LEPR: variants seen among roughly 807,000 people sequenced by gnomAD.
The protein encoded by LEPR is OB receptor.
Under a neutral mutation model 114.7 loss-of-function variants are expected in LEPR, and 56 were observed. The ratio of observed to expected loss-of-function variants is 0.49; its 90% CI spans 0.39 to 0.61. The LOEUF is 0.61. Ranked by LOEUF, LEPR falls within the 20% of genes least tolerant of loss-of-function variation. The pLI is 0.00. For synonymous variants in LEPR, 443 were observed against 461.4 expected (o/e 0.96, Z 0.51); for missense variants, 1,202 against 1,352.9 (o/e 0.89, Z 1.75).
At chr1:65,432,828 G>A (rs1451109848) in intron 2 of LEPR, 2 of 633,288 alleles carry the variant, frequency 3.2e-6, no homozygotes, top group African/African-American at 2.0e-5. Context: ...TCATAAAAAA[G>A]TTAAATATTT....
At position 65,494,372 on chromosome 1, in the gene LEPR, C is replaced by T. The variant is rs182179914; in HGVS notation, c.-21+68994C>T. On this transcript the variant is annotated intron_variant, in intron 2 of 19. Coordinates refer to ENST00000349533, the MANE Select transcript of LEPR (RefSeq NM_002303.6). The stretch of plus-strand genomic sequence containing the variant: ...GGGAAAGTCATTATCTCCCCTCCTC[C>T]TATATCTCCAAATGTTCTCTGAGGG... 2.0e-3 allele frequency among the ~76,000 whole-genome samples: 308 copies of T among 152,240 alleles called. 1 individual carries two copies. The highest frequency in any genetic ancestry group is 7.0e-3 in the African/African-American group (291 of 41,564).
At chr1:65,591,911 T>G (rs1655723599) in intron 5 of LEPR, among the ~76,000 whole-genome samples, 2 of 151,234 alleles carry the variant, frequency 1.3e-5, no homozygotes, top group Non-Finnish European at 1.5e-5. Context: ...TTCTTTTTGA[T>G]TTTTTAAATG....
chr1:65,633,983 TC>T lies in LEPR; in HGVS notation c.2674-2206del, dbSNP rs1658621900. 2 of 984,482 alleles carry T rather than the reference TC, an allele frequency of 2.0e-6. No homozygotes were observed. The highest frequency in any genetic ancestry group is 2.4e-6 in the Non-Finnish European group (2 of 829,064). The allele number at this position is 984,482 out of a possible 1,614,324, so 61.0% of individuals were successfully genotyped here. A position where few individuals can be genotyped will look rare whatever the true frequency, so the allele number is the denominator to read the frequency against. ...AATTATGACCTAAATCTAATTTACTTCCACTGAACCATCCAAGACCTCTGGC... is the reference window on the plus strand; with the variant it reads ...AATTATGACCTAAATCTAATTTACTTCACTGAACCATCCAAGACCTCTGGC... On this transcript the variant is annotated intron_variant, in intron 19 of 19. Transcript: ENST00000349533. This position sits in a 1 kb window ranked among gnomAD's most constrained non-coding sequence, Gnocchi z 4.1.
At position 65,641,425 on chromosome 1, in the gene LEPR, A is replaced by G. The variant is rs1170117869; in HGVS notation, c.*4410A>G. The G allele has an allele frequency of 1.3e-5, 2 of 152,208 alleles. No individual in the cohort carries two copies. The highest frequency in any genetic ancestry group is 2.9e-5 in the Non-Finnish European group (2 of 68,026). The allele number at this position is 152,208 out of a possible 1,614,324, so 9.4% of individuals were successfully genotyped here. ...CAAGATATGCATCACTAACTGTTCT[A>G]TGAAATTTGTCTACTTCTCCTTTAT... On this transcript the variant is annotated 3_prime_UTR_variant, in exon 20 of 20. Transcript: ENST00000349533.
intron 2 of LEPR, among the ~76,000 whole-genome samples, chr1:65,529,922 A>G (rs1204532430): frequency 6.6e-6 from 1 of 152,098 alleles, no homozygotes; most frequent in African/African-American, 2.4e-5. Context: ...GGAATACCTT[A>G]AGGTTTAGCT....
At chr1:65,621,737 GC>G (rs1557701880) in intron 18 of LEPR, among the ~76,000 whole-genome samples, 1 of 152,152 alleles carries the variant, frequency 6.6e-6, no homozygotes, top group Non-Finnish European at 1.5e-5. Context: ...GGGGCTTCTG[GC>G]CAATTTTGTT....
rs199726895 is a variant in LEPR, at chr1:65,546,736, C to G, written c.-20-18810C>G. Among the ~76,000 whole-genome samples the G allele has an allele frequency of 3.7e-4, 57 of 152,284 alleles. 1 individual carries two copies. In the South Asian group the frequency reaches 7.0e-3, roughly 19 times the overall value. ...GAGACAATGGGGTTTTCTAGATATACAATCATGTCATCTGCAAACAGGGAC... is the reference window on the plus strand; with the variant it reads ...GAGACAATGGGGTTTTCTAGATATAGAATCATGTCATCTGCAAACAGGGAC... On this transcript the variant is annotated intron_variant, in intron 2 of 19. Coordinates refer to ENST00000349533, the MANE Select transcript of LEPR (RefSeq NM_002303.6).
intron 2 of LEPR, among the ~76,000 whole-genome samples, chr1:65,551,899 C>T (rs185814991): frequency 1.4e-4 from 22 of 152,180 alleles, no homozygotes; most frequent in Admixed American, 2.0e-4. Context: ...GATTCTGGTA[C>T]GTTGTGTCTT....
chr1:65,550,527 C>T (rs572936804), intron 2 of LEPR, among the ~76,000 whole-genome samples: 4 of 152,288 alleles, frequency 2.6e-5, no homozygotes, highest in Admixed American at 1.3e-4. Flanking sequence ...ATGGCGGGTG[C>T]CCCTGCCCCA....
Position 65,420,703 on chromosome 1 carries a change from C to T in LEPR, c.-134C>T. 6.3e-7 allele frequency: 1 copy of T among 1,577,626 alleles called. No individual in the cohort carries two copies. Among genetic ancestry groups the T allele is most frequent in the South Asian group, 1.2e-5 (1 of 86,030 alleles). On this transcript the variant is annotated 5_prime_UTR_variant, in exon 1 of 20. Transcript: ENST00000349533. ...GGCCGTGGCAGGAAGCCGGAAGCAG[C>T]CGCGGCCCCAGTTCGGGAGACATGG...
At chr1:65,435,015 A>C in intron 2 of LEPR, 1 of 985,444 alleles carries the variant, frequency 1.0e-6, no homozygotes, top group South Asian at 4.7e-5. Flanking sequence ...GCGTTTTTAG[A>C]GAATGCCTCA....
chr1:65,578,510 G>T (rs1288723624), intron 5 of LEPR: 1 of 168,618 alleles, frequency 5.9e-6, no homozygotes, highest in African/African-American at 2.4e-5. Context: ...TGCCCAGGGG[G>T]TGAGGAGTGG....
rs1658752588 is a variant in LEPR, at chr1:65,637,349, G to A, written c.*334G>A. 1 of 210,790 alleles carries A rather than the reference G, an allele frequency of 4.7e-6. No homozygotes were observed. The highest frequency in any genetic ancestry group is 2.7e-5 in the African/African-American group (1 of 37,608). 13.1% of individuals were successfully genotyped at this position (210,790 alleles called of 1,614,324 possible). On this transcript the variant is annotated 3_prime_UTR_variant, in exon 20 of 20. Coordinates refer to ENST00000349533, the MANE Select transcript of LEPR (RefSeq NM_002303.6). ...GCGTGTTGTTTTACCTCAAGTTTTT[G>A]TTTTGTACCAACACACACACACACA...
intron 2 of LEPR, among the ~76,000 whole-genome samples, chr1:65,535,539 C>T (rs769955715): frequency 3.3e-5 from 5 of 151,670 alleles, no homozygotes; most frequent in Non-Finnish European, 5.9e-5. Context: ...TTAGTAGGGA[C>T]GAAGTCTTGC....
intron 2 of LEPR, among the ~76,000 whole-genome samples, chr1:65,549,412 T>C (rs1652089609): frequency 6.6e-6 from 1 of 152,204 alleles, no homozygotes; most frequent in Non-Finnish European, 1.5e-5. Flanking sequence ...GTTTTCCAAC[T>C]TGGTTCCATT....
At chr1:65,486,122 A>T (rs1489066784) in intron 2 of LEPR, among the ~76,000 whole-genome samples, 1 of 152,166 alleles carries the variant, frequency 6.6e-6, no homozygotes, top group Non-Finnish European at 1.5e-5. Context: ...ATCTACTAAC[A>T]GATAGTTCAT....
chr1:65,440,019 A>AAAAAAG (rs1218619026), intron 2 of LEPR, among the ~76,000 whole-genome samples: 1 of 148,038 alleles, frequency 6.8e-6, no homozygotes, highest in Non-Finnish European at 1.5e-5. Flanking sequence ...AAAAAAAAAA[A>AAAAAAG]AAAAAGAAAA....
At position 65,636,860 on chromosome 1, in the gene LEPR, G is replaced by C. The variant is rs1658736549; in HGVS notation, c.3343G>C (p.Val1115Leu). The C allele has an allele frequency of 6.2e-7, 1 of 1,611,636 alleles. No homozygotes were observed. The highest frequency in any genetic ancestry group is 8.5e-7 in the Non-Finnish European group (1 of 1,179,010). Residue 1115 changes from valine (V) to leucine (L), a missense_variant, in exon 20 of 20, where the codon GTT becomes CTT. Coordinates refer to ENST00000349533, the MANE Select transcript of LEPR (RefSeq NM_002303.6). The stretch of plus-strand genomic sequence containing the variant: ...CCCCTGTTTATTCACGGACATCAGA[G>C]TTCTCCAGGACAGTTGCTCACACTT... ...PAPCLFTDIRVLQDSCSHFVE... is the reference protein window; with the variant it reads ...PAPCLFTDIRLLQDSCSHFVE...
intron 2 of LEPR, chr1:65,525,607 C>T (rs755142420): frequency 1.1e-4 from 112 of 984,572 alleles, no homozygotes; most frequent in Non-Finnish European, 1.3e-4. Flanking sequence ...TCCCTCCCTT[C>T]TCCCCACCCC....
Sources: allele counts gnomAD v4.1 joint callset (sites outside exome capture counted in the v4.1 genomes callset), GRCh38; gene constraint gnomAD v4.1.1; non-coding constraint Gnocchi (gnomAD v3.1); transcripts MANE v1.5; gene names NCBI Gene and HGNC (gene_info 2026-07-23, HGNC 2026-07-21).